The following KCND2 variants were observed in gnomAD, a reference collection of about 807,000 sequenced individuals.
KCND2 encodes the protein A-type voltage-gated potassium channel KCND2.
In KCND2, 16 loss-of-function variants were observed where a neutral mutation model predicts 54.4. The observed-to-expected ratio is 0.29, with a 90% confidence interval of 0.20 to 0.45. The LOEUF is 0.45. Among genes scored for constraint, KCND2 ranks in the 20% least tolerant of loss-of-function variants. KCND2 has a pLI of 1.00. For synonymous variants in KCND2, 317 were observed against 310.7 expected (o/e 1.02, Z -0.21); for missense variants, 486 against 824.2 (o/e 0.59, Z 5.02).
chr7:120,343,734 A>G lies in KCND2; in HGVS notation c.1115+67987A>G, dbSNP rs17142657. Among the ~76,000 whole-genome samples, 1,353 of 152,314 alleles carry G rather than the reference A, an allele frequency of 8.9e-3. 12 individuals are homozygous for G. The highest frequency in any genetic ancestry group is 0.031 in the African/African-American group (1,273 of 41,580). On this transcript the variant is annotated intron_variant, in intron 1 of 5. Transcript: ENST00000331113. ...CATTTAATTAAGAGGTTTATAGCAA[A>G]TGCATTTATAATACTAAGTTCTACA...
chr7:120,526,816 AT>A (rs1791782267), intron 1 of KCND2, among the ~76,000 whole-genome samples: 1 of 152,078 alleles, frequency 6.6e-6, no homozygotes, highest in Non-Finnish European at 1.5e-5. Context: ...GAGAACTCTG[AT>A]TTTTTTCAAT....
At chr7:120,627,761 GTATC>G (rs1359010668) in intron 1 of KCND2, among the ~76,000 whole-genome samples, 6 of 151,794 alleles carry the variant, frequency 4.0e-5, no homozygotes, top group African/African-American at 1.4e-4. Context: ...TTATAATAAA[GTATC>G]TATAAACTAA....
At chr7:120,397,991 G>GAAA (rs1801181502) in intron 1 of KCND2, among the ~76,000 whole-genome samples, 1 of 37,842 alleles carries the variant, frequency 2.6e-5, no homozygotes, top group Admixed American at 2.7e-4. Context: ...GTGTGTGTGT[G>GAAA]TGTGTATATA....
At chr7:120,474,997 C>T (rs914596433) in intron 1 of KCND2, among the ~76,000 whole-genome samples, 6 of 152,136 alleles carry the variant, frequency 3.9e-5, no homozygotes, top group Non-Finnish European at 7.4e-5. Context: ...CACAGCACCA[C>T]GCCTGGCTAA....
chr7:120,510,942 G>A lies in KCND2; in HGVS notation c.1116-221961G>A, dbSNP rs543400119. Among the ~76,000 whole-genome samples the A allele has an allele frequency of 5.4e-3, 800 of 147,874 alleles. 2 individuals carry two copies. The highest frequency in any genetic ancestry group is 8.5e-3 in the Non-Finnish European group (575 of 67,390). On this transcript the variant is annotated intron_variant, in intron 1 of 5. Coordinates refer to ENST00000331113, the MANE Select transcript of KCND2 (RefSeq NM_012281.3). ...ATGTCTTCCTACGGCTTCACATTTC[G>A]TAGAAAAACCCAAATCCTAAAATAC...
chr7:120,543,356 G>A (rs936820871), intron 1 of KCND2, among the ~76,000 whole-genome samples: 8 of 151,518 alleles, frequency 5.3e-5, no homozygotes, highest in Admixed American at 4.6e-4. Flanking sequence ...CTCTTACTGC[G>A]TGTCGATTTT....
chr7:120,296,077 A>G (rs2116285685), intron 1 of KCND2, among the ~76,000 whole-genome samples: 1 of 152,282 alleles, frequency 6.6e-6, no homozygotes, highest in Admixed American at 6.5e-5. Flanking sequence ...GTATAGTATT[A>G]CATATTTAAA....
intron 1 of KCND2, among the ~76,000 whole-genome samples, chr7:120,373,700 A>G (rs1337486264): frequency 6.6e-6 from 1 of 151,860 alleles, no homozygotes. Context: ...GCCAGTAGAC[A>G]TAGACAAAAT....
At chr7:120,701,102 G>T (rs1792395117) in intron 1 of KCND2, among the ~76,000 whole-genome samples, 1 of 151,866 alleles carries the variant, frequency 6.6e-6, no homozygotes, top group East Asian at 1.9e-4. Flanking sequence ...GAAAAATAAA[G>T]AAGTTCCCTG....
chr7:120,745,869 G>C lies in KCND2; in HGVS notation c.1557G>C (p.Leu519=). ...VNRPSSHSPS[L]SSQQGVTSTC... ...GTCCTTCAAGTCACAGTCCTTCACT[G>C]TCTTCACAACAAGGAGTCACCAGCA... The change falls in exon 5 of 6, where the codon CTG becomes CTC. Residue 519 remains leucine (L), a synonymous_variant. Coordinates refer to ENST00000331113, the MANE Select transcript of KCND2 (RefSeq NM_012281.3). 3 of 1,613,896 alleles carry C rather than the reference G, an allele frequency of 1.9e-6. No individual in the cohort carries two copies. Among genetic ancestry groups the C allele is most frequent in the Admixed American group, 1.7e-5 (1 of 59,992 alleles).
Position 120,275,165 on chromosome 7 carries a change from C to A in KCND2, c.533C>A (p.Pro178His). The A allele has an allele frequency of 6.2e-7, 1 of 1,614,058 alleles. No individual in the cohort carries two copies. Among genetic ancestry groups the A allele is most frequent in the Non-Finnish European group, 8.5e-7 (1 of 1,180,024 alleles). ...AGGGTCTGGAGGGCCTTCGAGAACC[C>A]CCACACCAGCACGATGGCCCTGGTG... Reference protein sequence around the residue: ...RQRVWRAFENPHTSTMALVFY... With the variant: ...RQRVWRAFENHHTSTMALVFY... Residue 178 changes from proline to histidine, a missense_variant, in exon 1 of 6, where the codon CCC (proline) becomes CAC (histidine). Around this residue, in one of 7 missense-constraint regions of KCND2, gnomAD observed 231 missense variants for 386.0 expected, o/e 0.60. Coordinates refer to ENST00000331113, the MANE Select transcript of KCND2 (RefSeq NM_012281.3).
At chr7:120,432,037 A>G (rs192792901) in intron 1 of KCND2, among the ~76,000 whole-genome samples, 10 of 152,326 alleles carry the variant, frequency 6.6e-5, no homozygotes, top group East Asian at 5.8e-4. Flanking sequence ...ATATATGCTC[A>G]TGTATCCTAG....
At chr7:120,734,947 T>C (rs1471065106) in intron 2 of KCND2, among the ~76,000 whole-genome samples, 1 of 152,048 alleles carries the variant, frequency 6.6e-6, no homozygotes, top group Admixed American at 6.6e-5. Context: ...ATAAAGTAAG[T>C]CTTTGGAAAG....
At chr7:120,278,684 A>G (rs1440123117) in intron 1 of KCND2, among the ~76,000 whole-genome samples, 1 of 151,524 alleles carries the variant, frequency 6.6e-6, no homozygotes, top group Non-Finnish European at 1.5e-5. Context: ...TCACCATTTT[A>G]TTTGCTCCTT....
At chr7:120,400,928 G>A (rs2116079919) in intron 1 of KCND2, among the ~76,000 whole-genome samples, 1 of 151,632 alleles carries the variant, frequency 6.6e-6, no homozygotes, top group South Asian at 2.1e-4. Context: ...GAATAAAGAG[G>A]GTCAAATTAA....
chr7:120,645,285 T>C (rs1375594020), intron 1 of KCND2, among the ~76,000 whole-genome samples: 4 of 152,144 alleles, frequency 2.6e-5, no homozygotes, highest in Middle Eastern at 3.4e-3. Flanking sequence ...CATGTTAATA[T>C]AGGGTTCTGT....
At chr7:120,671,573 C>A (rs1413868126) in intron 1 of KCND2, among the ~76,000 whole-genome samples, 1 of 151,986 alleles carries the variant, frequency 6.6e-6, no homozygotes, top group African/African-American at 2.4e-5. Context: ...AACTCACTTC[C>A]TAGGCAACCA....
At chr7:120,531,650 C>T (rs934154117) in intron 1 of KCND2, among the ~76,000 whole-genome samples, 9 of 152,082 alleles carry the variant, frequency 5.9e-5, no homozygotes, top group African/African-American at 2.2e-4. Context: ...TGAAGGTTCT[C>T]TTTTCTGGGT....
At chr7:120,658,510 T>A (rs1019792350) in intron 1 of KCND2, among the ~76,000 whole-genome samples, 3 of 152,210 alleles carry the variant, frequency 2.0e-5, no homozygotes, top group African/African-American at 7.2e-5. Context: ...CCAAACTTGT[T>A]TGTTTTCAAT....
Sources: allele counts gnomAD v4.1 joint callset (sites outside exome capture counted in the v4.1 genomes callset), GRCh38; gene constraint gnomAD v4.1.1; regional missense constraint gnomAD v4.1.1; transcripts MANE v1.5; gene names NCBI Gene and HGNC (gene_info 2026-07-23, HGNC 2026-07-21).